RSL24D1: variants seen among roughly 807,000 people sequenced by gnomAD.
The protein encoded by RSL24D1 is ribosomal L24 domain containing 1.
A neutral mutation model predicts 26.2 loss-of-function variants in RSL24D1; 6 were observed. The ratio of observed to expected loss-of-function variants is 0.23; its 90% CI spans 0.13 to 0.45. The LOEUF (loss-of-function observed/expected upper bound fraction) is 0.45. RSL24D1 is among the 20% of genes least tolerant of loss of function. The pLI, the probability that RSL24D1 is intolerant of heterozygous loss-of-function variation, is 0.99. For synonymous variants in RSL24D1, 61 were observed against 59.1 expected, an observed-to-expected ratio of 1.03 and a Z score of -0.15; for missense variants, 176 against 202.6, an observed-to-expected ratio of 0.87 and a Z score of 0.80.
intron 3 of RSL24D1, among the ~76,000 whole-genome samples, chr15:55,186,279 T>G (rs1349879732): frequency 2.6e-5 from 4 of 152,164 alleles, no homozygotes; most frequent in Non-Finnish European, 5.9e-5. Context: ...TCTGTAGATC[T>G]AAAGAATAAT....
rs541225640 is a variant in RSL24D1, at chr15:55,186,041, T to A, written c.269-616A>T. Among the ~76,000 whole-genome samples, 46 of 152,270 alleles carry A rather than the reference T, an allele frequency of 3.0e-4. No individual in the cohort carries two copies. The South Asian group carries it at 7.0e-3, about 23-fold the overall frequency. ...TTTCTAGTAGCCGTATTTTTTAAAG[T>A]AAAAACGAACAGGAGGAAATTTAAT... On this transcript the variant is annotated intron_variant, in intron 3 of 5. Transcript: ENST00000260443.
At position 55,181,885 on chromosome 15, in the gene RSL24D1, A is replaced by G. The variant is rs1298323876; in HGVS notation, c.*267T>C. 8 of 340,430 alleles carry G rather than the reference A, an allele frequency of 2.3e-5. No homozygotes were observed. Among genetic ancestry groups the G allele is most frequent in the Non-Finnish European group, 4.3e-5 (8 of 186,650 alleles). The allele number at this position is 340,430 out of a possible 1,614,324, so 21.1% of individuals were successfully genotyped here. Reference sequence around the variant, plus strand: ...TGCCTAGTGCCATTATCCAAATAGCACAACCATTTTACGTCCACAATTCAC... The same window carrying G: ...TGCCTAGTGCCATTATCCAAATAGCGCAACCATTTTACGTCCACAATTCAC... On this transcript the variant is annotated 3_prime_UTR_variant, in exon 6 of 6. Transcript: ENST00000260443.
At chr15:55,190,902 C>G in intron 3 of RSL24D1, 73 bp downstream of exon 3, 2 of 943,116 alleles carry the variant, frequency 2.1e-6, no homozygotes, top group Non-Finnish European at 3.3e-6. Context: ...AAACAACAAA[C>G]TGACACTTAA....
Position 55,192,823 on chromosome 15 carries a change from A to T in RSL24D1, c.92T>A (p.Phe31Tyr). ...GTTTTTATGACATTTAGATTTGCAA[A>T]ATCTGAACACCTACAAGAAAAGTTA... ...FVRNDCKVFR[F>Y]CKSKCHKNFK... Residue 31 changes from phenylalanine (F) to tyrosine (Y), a missense_variant, in exon 2 of 6, where the codon TTT (phenylalanine) becomes TAT (tyrosine). Transcript: ENST00000260443. 1 of 1,609,780 alleles carries T rather than the reference A, an allele frequency of 6.2e-7. No homozygotes were observed. Among genetic ancestry groups the T allele is most frequent in the Non-Finnish European group, 8.5e-7 (1 of 1,176,538 alleles).
intron 1 of RSL24D1, among the ~76,000 whole-genome samples, chr15:55,193,228 C>T (rs1341892014): frequency 6.6e-6 from 1 of 152,166 alleles, no homozygotes; most frequent in African/African-American, 2.4e-5. Flanking sequence ...GTCTTTCCAT[C>T]TTCCTTGTTG....
intron 4 of RSL24D1, among the ~76,000 whole-genome samples, chr15:55,183,704 G>T (rs1166366467): frequency 1.3e-5 from 2 of 152,096 alleles, no homozygotes; most frequent in Non-Finnish European, 2.9e-5. Flanking sequence ...CTAAGGTAAG[G>T]TCACCTGTTA....
At chr15:55,189,154 C>T (rs1894262932) in intron 3 of RSL24D1, among the ~76,000 whole-genome samples, 1 of 147,696 alleles carries the variant, frequency 6.8e-6, no homozygotes, top group Admixed American at 6.8e-5. Context: ...GATCCCACCA[C>T]TACACTCCAG....
intron 1 of RSL24D1, 62 bp from the exon 2 acceptor site, chr15:55,192,895 AC>A (rs1279661771): frequency 9.5e-7 from 1 of 1,047,810 alleles, no homozygotes; most frequent in African/African-American, 1.6e-5. Context: ...ACAAGACGTT[AC>A]CCCTGCTAGA....
At chr15:55,190,487 AC>A (rs1357860246) in intron 3 of RSL24D1, among the ~76,000 whole-genome samples, 1 of 152,190 alleles carries the variant, frequency 6.6e-6, no homozygotes, top group Non-Finnish European at 1.5e-5. Context: ...CCTAAGTCAA[AC>A]ACTTAGAAAT....
Position 55,185,444 on chromosome 15 carries a change from G to A in RSL24D1, c.269-19C>T, listed in dbSNP as rs527898754. On this transcript the variant is annotated intron_variant, in intron 3 of 5. Transcript: ENST00000260443. ...GCATCAACTACAAAAAAATTCATGA[G>A]TTAGCAAATGTATGCACATTCAAGC... 5.0e-6 allele frequency: 8 copies of A among 1,588,026 alleles called. No homozygotes were observed. In the South Asian group the frequency reaches 8.0e-5, roughly 16 times the overall value.
At chr15:55,185,478 C>A in intron 3 of RSL24D1, 53 bp from the exon 4 acceptor site, 1 of 1,196,150 alleles carries the variant, frequency 8.4e-7, no homozygotes, top group African/African-American at 1.5e-5. Context: ...GCGGTATGAT[C>A]AACAACTGCA....
chr15:55,190,364 T>C (rs1406478414), intron 3 of RSL24D1, among the ~76,000 whole-genome samples: 1 of 151,786 alleles, frequency 6.6e-6, no homozygotes, highest in Non-Finnish European at 1.5e-5. Flanking sequence ...GAGACTTTTT[T>C]CATTAAACTT....
chr15:55,184,378 T>C (rs1471348746), intron 4 of RSL24D1, among the ~76,000 whole-genome samples: 1 of 152,116 alleles, frequency 6.6e-6, no homozygotes, highest in Non-Finnish European at 1.5e-5. Context: ...ACCCAATGTA[T>C]ACCATAAGAA....
At chr15:55,182,563 G>A (rs1395651091) in intron 5 of RSL24D1, among the ~76,000 whole-genome samples, 3 of 152,132 alleles carry the variant, frequency 2.0e-5, no homozygotes, top group Non-Finnish European at 4.4e-5. Context: ...TGGATCCAAG[G>A]TGCCTGCTCT....
chr15:55,182,334 C>T lies in RSL24D1; in HGVS notation c.419-109G>A, dbSNP rs958281695. ...GCATGTTTTCAAGTAATATTAGCCACTCCTAAGAAATTTAATAGTAGCTAA... is the reference window on the plus strand; with the variant it reads ...GCATGTTTTCAAGTAATATTAGCCATTCCTAAGAAATTTAATAGTAGCTAA... On this transcript the variant is annotated intron_variant, in intron 5 of 5. Coordinates refer to ENST00000260443, the MANE Select transcript of RSL24D1 (RefSeq NM_016304.3). The T allele has an allele frequency of 1.2e-5, 8 of 695,572 alleles. No homozygotes were observed. The African/African-American group carries it at 1.4e-4, about 13-fold the overall frequency. 43.1% of individuals were successfully genotyped at this position (695,572 alleles called of 1,614,324 possible).
At chr15:55,196,644 G>A in intron 1 of RSL24D1, 166 bp downstream of exon 1, 2 of 643,812 alleles carry the variant, frequency 3.1e-6, no homozygotes, top group Non-Finnish European at 5.4e-6. Context: ...AGAAACCCCC[G>A]AAGCGGAACG....
intron 4 of RSL24D1, among the ~76,000 whole-genome samples, chr15:55,184,813 G>A (rs1032235420): frequency 6.6e-6 from 1 of 152,122 alleles, no homozygotes; most frequent in Non-Finnish European, 1.5e-5. Flanking sequence ...AGACATCCCT[G>A]CCAAAGGTGC....
chr15:55,191,328 C>A (rs16976139), intron 2 of RSL24D1, among the ~76,000 whole-genome samples: 1,538 of 152,238 alleles, frequency 0.01, 27 homozygotes, highest in African/African-American at 0.035. Flanking sequence ...GGATTACAAA[C>A]TGAAAAACCT....
chr15:55,195,658 C>T lies in RSL24D1; in HGVS notation c.81+1152G>A, dbSNP rs190974891. ...ACCATACTGCCTACTCTGAATTAGACCCCAACCTGGCAATCTTTTGGTTCA... is the reference window on the plus strand; with the variant it reads ...ACCATACTGCCTACTCTGAATTAGATCCCAACCTGGCAATCTTTTGGTTCA... On this transcript the variant is annotated intron_variant, in intron 1 of 5. Transcript: ENST00000260443. 1.0e-3 allele frequency: 152 copies of T among 152,358 alleles called. 1 individual carries two copies. Among genetic ancestry groups the T allele is most frequent in the African/African-American group, 3.6e-3 (148 of 41,576 alleles). The allele number at this position is 152,358 out of a possible 1,614,324, so 9.4% of individuals were successfully genotyped here.
Sources: gnomAD v4.1 joint callset for allele counts (sites outside exome capture counted in the v4.1 genomes callset) on GRCh38, gnomAD v4.1.1 for gene constraint, MANE v1.5 for transcripts, NCBI Gene and HGNC (gene_info 2026-07-23, HGNC 2026-07-21) for gene names.